Variants in UGT1A4 observed in about 807,000 individuals in gnomAD.
The protein encoded by UGT1A4 is UDP-glucuronosyltransferase 1A4.
In UGT1A4, 32 loss-of-function variants were observed where a neutral mutation model predicts 41.1. The observed-to-expected ratio is 0.78, with a 90% CI of 0.59 to 1.05. The LOEUF is 1.05. UGT1A4 is among the 50% of genes least tolerant of loss of function. UGT1A4 has a pLI of 0.00. For missense variants in UGT1A4, 748 were observed against 677.4 expected, an observed-to-expected ratio of 1.10 and a Z score of -1.16; for synonymous variants, 283 against 265.1, an observed-to-expected ratio of 1.07 and a Z score of -0.66.
intron 1 of UGT1A4, among the ~76,000 whole-genome samples, chr2:233,749,893 C>G (rs141027223): frequency 8.5e-5 from 13 of 152,056 alleles, no homozygotes; most frequent in East Asian, 5.8e-4. Context: ...GAGGCTCCCC[C>G]CTCCAGCCAC....
chr2:233,761,781 G>A (rs527861889), intron 1 of UGT1A4, among the ~76,000 whole-genome samples: 8 of 152,266 alleles, frequency 5.3e-5, no homozygotes, highest in South Asian at 2.1e-4. Flanking sequence ...CATCCTCATC[G>A]AAATCTCAGC....
chr2:233,727,866 T>C (rs1246200452), intron 1 of UGT1A4, among the ~76,000 whole-genome samples: 1 of 152,128 alleles, frequency 6.6e-6, no homozygotes, highest in Non-Finnish European at 1.5e-5. Context: ...AAGGGAAGCC[T>C]CAGCCTCACC....
rs1421333211 is a variant in UGT1A4, at chr2:233,745,618, A to T, written c.868-21416A>T. Among the ~76,000 whole-genome samples, 6 of 151,724 alleles carry T rather than the reference A, an allele frequency of 4.0e-5. No individual in the cohort carries two copies. The East Asian group carries it at 1.2e-3, about 29-fold the overall frequency. ...CTTGGCACTTGGTAAGCACACAATG[A>T]ACAGTCATAGAAAGCTGGCCGAGGG... On this transcript the variant is annotated intron_variant, in intron 1 of 4. Coordinates refer to ENST00000373409, the MANE Select transcript of UGT1A4 (RefSeq NM_007120.3).
In UGT1A4 at chr2:233,718,754, G is replaced by A; in HGVS notation, c.-67G>A. ...GTGGCTCAATGACAAGGTAATTAAG[G>A]CGAAGGAAACAAATGTAGCAGGCAC... On this transcript the variant is annotated 5_prime_UTR_variant, in exon 1 of 5. Coordinates refer to ENST00000373409, the MANE Select transcript of UGT1A4 (RefSeq NM_007120.3). 3.7e-6 allele frequency: 6 copies of A among 1,612,386 alleles called. No homozygotes were observed. Among genetic ancestry groups the A allele is most frequent in the Non-Finnish European group, 5.1e-6 (6 of 1,179,960 alleles).
chr2:233,733,404 C>T (rs2078393693), intron 1 of UGT1A4, among the ~76,000 whole-genome samples: 1 of 152,148 alleles, frequency 6.6e-6, no homozygotes, highest in African/African-American at 2.4e-5. Flanking sequence ...AAAGGGAATG[C>T]TTCCAGTTTT....
chr2:233,761,777 C>T (rs1456855794), intron 1 of UGT1A4, among the ~76,000 whole-genome samples: 1 of 152,206 alleles, frequency 6.6e-6, no homozygotes, highest in Non-Finnish European at 1.5e-5. Context: ...TTCACATCCT[C>T]ATCGAAATCT....
chr2:233,748,539 G>A (rs1278710171), intron 1 of UGT1A4, among the ~76,000 whole-genome samples: 3 of 151,838 alleles, frequency 2.0e-5, no homozygotes, highest in Non-Finnish European at 2.9e-5. Context: ...GGTGACCACA[G>A]GAGACCTAAG....
intron 1 of UGT1A4, among the ~76,000 whole-genome samples, chr2:233,727,889 C>A (rs906385439): frequency 1.3e-5 from 2 of 152,172 alleles, no homozygotes; most frequent in African/African-American, 4.8e-5. Flanking sequence ...CAATGGCAGA[C>A]ACGGCCAGGC....
intron 4 of UGT1A4, 33 bp downstream of exon 4, chr2:233,768,472 C>A: frequency 6.3e-7 from 1 of 1,596,838 alleles, no homozygotes; most frequent in South Asian, 1.1e-5. Flanking sequence ...ATACTTTGGT[C>A]ATGGCATTCA....
chr2:233,738,229 G>GCTCC lies in UGT1A4; in HGVS notation c.867+18543_867+18544insTCCC, dbSNP rs56839564. ...CTGCCAGGATTATAAGTTTCCTGAGGCCCCTCCAGCCACATGGAACTGGAG... is the reference window on the plus strand; with the variant it reads ...CTGCCAGGATTATAAGTTTCCTGAGGCTCCCCCCTCCAGCCACATGGAACTGGAG... On this transcript the variant is annotated intron_variant, in intron 1 of 4. Transcript: ENST00000373409. Among the ~76,000 whole-genome samples, 1,480 of 152,188 alleles carry GCTCC rather than the reference G, an allele frequency of 9.7e-3. 33 individuals are homozygous for GCTCC. The highest frequency in any genetic ancestry group is 0.033 in the African/African-American group (1,389 of 41,506).
chr2:233,760,647 T>G (rs1697515072), intron 1 of UGT1A4: 1 of 1,614,134 alleles, frequency 6.2e-7, no homozygotes, highest in African/African-American at 1.3e-5. Context: ...AAAAGGACTC[T>G]GCTATGCTTT....
chr2:233,743,846 C>A (rs779214397), intron 1 of UGT1A4: 9 of 1,367,112 alleles, frequency 6.6e-6, no homozygotes, highest in Non-Finnish European at 8.8e-6. Flanking sequence ...CGCCAGCTTG[C>A]GGTACGCCTT....
rs1348146797 is a variant in UGT1A4, at chr2:233,724,071, C to G, written c.867+4384C>G. Among the ~76,000 whole-genome samples the G allele has an allele frequency of 1.6e-4, 15 of 96,248 alleles. 1 individual carries two copies. Among genetic ancestry groups the G allele is most frequent in the African/African-American group, 2.3e-4 (4 of 17,278 alleles). 63.1% of individuals were successfully genotyped at this position (96,248 alleles called of 152,430 possible). A position where few individuals can be genotyped will look rare whatever the true frequency, so the allele number is the denominator to read the frequency against. On this transcript the variant is annotated intron_variant, in intron 1 of 4. Coordinates refer to ENST00000373409, the MANE Select transcript of UGT1A4 (RefSeq NM_007120.3). ...CACACCTCCCAGACGGGGTGGTGGCCGGGCAGAGGGGCTCCTCACTTCCCA... is the reference window on the plus strand; with the variant it reads ...CACACCTCCCAGACGGGGTGGTGGCGGGGCAGAGGGGCTCCTCACTTCCCA...
rs994719163 is a variant in UGT1A4, at chr2:233,718,756, G to A, written c.-65G>A. 5.9e-5 allele frequency: 95 copies of A among 1,612,444 alleles called. No homozygotes were observed. The highest frequency in any genetic ancestry group is 2.9e-4 in the East Asian group (13 of 44,886). ...GGCTCAATGACAAGGTAATTAAGGC[G>A]AAGGAAACAAATGTAGCAGGCACAG... On this transcript the variant is annotated 5_prime_UTR_variant, in exon 1 of 5. Transcript: ENST00000373409.
At chr2:233,732,692 C>T (rs1425902853) in intron 1 of UGT1A4, among the ~76,000 whole-genome samples, 1 of 150,324 alleles carries the variant, frequency 6.7e-6, no homozygotes, top group Non-Finnish European at 1.5e-5. Context: ...AGCACCCATG[C>T]TGTTTTGTTA....
intron 1 of UGT1A4, among the ~76,000 whole-genome samples, chr2:233,724,344 C>CA (rs2077230286): frequency 1.4e-5 from 2 of 144,986 alleles, no homozygotes; most frequent in East Asian, 2.2e-4. Context: ...GGGCTGACCC[C>CA]CCCCACCTCC....
chr2:233,729,477 GA>G, intron 1 of UGT1A4: 2 of 1,614,194 alleles, frequency 1.2e-6, no homozygotes, highest in Middle Eastern at 1.6e-4. Context: ...TGGCAATGTT[GA>G]ACAATATGTC....
At position 233,718,947 on chromosome 2, in the gene UGT1A4, A is replaced by C. The variant is rs771749966; in HGVS notation, c.127A>C (p.Ser43Arg). The change falls in exon 1 of 5, where the codon AGC becomes CGC. Residue 43 changes from serine to arginine, a missense_variant. Coordinates refer to ENST00000373409, the MANE Select transcript of UGT1A4 (RefSeq NM_007120.3). ...VVPTDGSPWL[S>R]MREALRELHA... ...GCCCACTGATGGCAGCCCCTGGCTC[A>C]GCATGCGGGAGGCCTTGCGGGAGCT... is the stretch of plus-strand genomic sequence containing the variant. The C allele has an allele frequency of 3.1e-6, 5 of 1,613,894 alleles. No homozygotes were observed. The Admixed American group carries it at 6.7e-5, about 22-fold the overall frequency.
chr2:233,760,379 T>G lies in UGT1A4; in HGVS notation c.868-6655T>G. On this transcript the variant is annotated intron_variant, in intron 1 of 4. Transcript: ENST00000373409. Reference sequence around the variant, plus strand: ...GTGGTGTCCCATGCTGGGAAGATACTGTTGATCCCAGTGGATGGCAGCCAC... The same window carrying G: ...GTGGTGTCCCATGCTGGGAAGATACGGTTGATCCCAGTGGATGGCAGCCAC... 6.2e-7 allele frequency: 1 copy of G among 1,614,196 alleles called. No homozygotes were observed. Among genetic ancestry groups the G allele is most frequent in the Non-Finnish European group, 8.5e-7 (1 of 1,180,016 alleles).
Sources: gnomAD v4.1 joint callset for allele counts (sites outside exome capture counted in the v4.1 genomes callset) on GRCh38, gnomAD v4.1.1 for gene constraint, MANE v1.5 for transcripts, NCBI Gene and HGNC (gene_info 2026-07-23, HGNC 2026-07-21) for gene names.